ICA1L: variants seen among roughly 807,000 people sequenced by gnomAD.
The protein encoded by ICA1L is islet cell autoantigen 1 like.
A neutral mutation model predicts 61.3 loss-of-function variants in ICA1L; 50 were observed. The observed-to-expected ratio is 0.82, with a 90% CI of 0.65 to 1.03. The LOEUF is 1.03. ICA1L is among the 50% of genes least tolerant of loss of function. The pLI, the probability that ICA1L is intolerant of heterozygous loss-of-function variation, is 0.00. For missense variants in ICA1L, 508 were observed against 556.7 expected (o/e 0.91, Z 0.88); for synonymous variants, 161 against 191.3 (o/e 0.84, Z 1.31).
intron 10 of ICA1L, among the ~76,000 whole-genome samples, chr2:202,794,139 A>G (rs1692843740): frequency 6.6e-6 from 1 of 151,804 alleles, no homozygotes; most frequent in Non-Finnish European, 1.5e-5. Flanking sequence ...TTAAGAAGAA[A>G]AAGCAAATAA....
chr2:202,803,187 C>T (rs1485445659), intron 9 of ICA1L, among the ~76,000 whole-genome samples: 1 of 152,016 alleles, frequency 6.6e-6, no homozygotes, highest in Non-Finnish European at 1.5e-5. Context: ...GCAGGCAGAT[C>T]ACCTGAGGTC....
At chr2:202,858,389 C>T (rs570795952) in intron 1 of ICA1L, among the ~76,000 whole-genome samples, 7 of 152,294 alleles carry the variant, frequency 4.6e-5, no homozygotes, top group African/African-American at 7.2e-5. Flanking sequence ...CCAAACACTG[C>T]GTGTTCTCAC....
At chr2:202,796,855 A>C (rs1282777807) in intron 10 of ICA1L, 35 bp downstream of exon 10, 1 of 1,246,604 alleles carries the variant, frequency 8.0e-7, no homozygotes, top group Admixed American at 2.3e-5. Context: ...AGAATTTTAA[A>C]GAATCATTCA....
chr2:202,830,393 C>G (rs543587607), intron 1 of ICA1L, among the ~76,000 whole-genome samples: 1 of 151,870 alleles, frequency 6.6e-6, no homozygotes, highest in Non-Finnish European at 1.5e-5. Flanking sequence ...GACAACAGAG[C>G]GAGACTCCGT....
chr2:202,867,443 G>A lies in ICA1L; in HGVS notation c.-8+4176C>T, dbSNP rs149110273. Reference sequence around the variant, plus strand: ...GCATGTTACTGTACTGAATACTGTAGGCAACTGCAACACAATGATGGTAAG... The same window carrying A: ...GCATGTTACTGTACTGAATACTGTAAGCAACTGCAACACAATGATGGTAAG... On this transcript the variant is annotated intron_variant, in intron 1 of 12. Coordinates refer to ENST00000358299, the MANE Select transcript of ICA1L (RefSeq NM_001288622.3). 3.1e-3 allele frequency among the ~76,000 whole-genome samples: 468 copies of A among 152,244 alleles called. 1 individual carries two copies. Among genetic ancestry groups the A allele is most frequent in the Non-Finnish European group, 5.3e-3 (361 of 68,022 alleles).
intron 1 of ICA1L, chr2:202,860,063 G>A (rs1335697294): frequency 6.6e-6 from 1 of 151,724 alleles, no homozygotes; most frequent in Non-Finnish European, 1.5e-5. Context: ...ATCACTTGAG[G>A]TCAAGGCCAG....
In ICA1L at chr2:202,777,043, GCTT is replaced by G. The variant is rs1469342680; in HGVS notation, c.*2487_*2489del. ...TACAAACTCTCAAGACATAAAGTTA[GCTT>G]TTTTTTTTTTTTTTTTTTTTTTTTT... On this transcript the variant is annotated 3_prime_UTR_variant, in exon 13 of 13. Transcript: ENST00000358299. The G allele has an allele frequency of 1.4e-4, 14 of 103,584 alleles. No individual in the cohort carries two copies. Among genetic ancestry groups the G allele is most frequent in the African/African-American group, 5.1e-4 (12 of 23,752 alleles). The allele number at this position is 103,584 out of a possible 1,614,324, so 6.4% of individuals were successfully genotyped here. A position where few individuals can be genotyped will look rare whatever the true frequency, so the allele number is the denominator to read the frequency against.
chr2:202,868,790 A>C (rs903451266), intron 1 of ICA1L, among the ~76,000 whole-genome samples: 1 of 151,460 alleles, frequency 6.6e-6, no homozygotes, highest in Admixed American at 6.6e-5. Flanking sequence ...AATATGGTAA[A>C]ACCCCCATCT....
chr2:202,790,677 C>A (rs1692720158), intron 10 of ICA1L, among the ~76,000 whole-genome samples: 2 of 152,274 alleles, frequency 1.3e-5, no homozygotes, highest in South Asian at 4.1e-4. Flanking sequence ...CTCCCCAGAT[C>A]CCTCATGGGT....
chr2:202,794,539 G>A (rs1215489179), intron 10 of ICA1L, among the ~76,000 whole-genome samples: 1 of 152,040 alleles, frequency 6.6e-6, no homozygotes, highest in Non-Finnish European at 1.5e-5. Flanking sequence ...GAAGGTAGTA[G>A]CCAATGTAAT....
intron 1 of ICA1L, among the ~76,000 whole-genome samples, chr2:202,858,963 G>A (rs1432393017): frequency 1.3e-5 from 2 of 152,198 alleles, no homozygotes; most frequent in South Asian, 2.1e-4. Flanking sequence ...TTGCTATGTG[G>A]TGGATGGCTA....
At chr2:202,859,471 T>C (rs2105887625) in intron 1 of ICA1L, among the ~76,000 whole-genome samples, 1 of 152,364 alleles carries the variant, frequency 6.6e-6, no homozygotes, top group South Asian at 2.1e-4. Flanking sequence ...ATGCCAGCTT[T>C]GTTCTGGGTG....
At chr2:202,786,343 G>A (rs1421874538) in intron 11 of ICA1L, among the ~76,000 whole-genome samples, 4 of 151,480 alleles carry the variant, frequency 2.6e-5, no homozygotes, top group African/African-American at 9.7e-5. Flanking sequence ...TCAGGAGATC[G>A]AGACCATCCT....
intron 9 of ICA1L, among the ~76,000 whole-genome samples, chr2:202,807,510 G>C (rs546737777): frequency 2.0e-5 from 3 of 152,194 alleles, no homozygotes; most frequent in Non-Finnish European, 4.4e-5. Flanking sequence ...GCACTCTGGG[G>C]TTCCAAATAA....
chr2:202,841,880 T>C lies in ICA1L; in HGVS notation c.-7-12864A>G, dbSNP rs1433040580. 7 of 265,452 alleles carry C rather than the reference T, an allele frequency of 2.6e-5. No homozygotes were observed. In the East Asian group the frequency reaches 5.8e-4, roughly 22 times the overall value. The allele number at this position is 265,452 out of a possible 1,614,324, so 16.4% of individuals were successfully genotyped here. A position where few individuals can be genotyped will look rare whatever the true frequency, so the allele number is the denominator to read the frequency against. On this transcript the variant is annotated intron_variant, in intron 1 of 12. Transcript: ENST00000358299. ...GGTCTATTTTTTTTTTTTTTTTAGA[T>C]AGAGTTTTGTTCTTGTTGCCCAGAC...
intron 10 of ICA1L, among the ~76,000 whole-genome samples, chr2:202,791,398 T>C (rs4675293): frequency 0.27 from 41,571 of 152,128 alleles, 6,210 homozygotes; most frequent in East Asian, 0.53. Flanking sequence ...ATATAAACTC[T>C]TACAACTTAA....
chr2:202,822,134 AT>A (rs1411341458), intron 3 of ICA1L, among the ~76,000 whole-genome samples: 1 of 152,048 alleles, frequency 6.6e-6, no homozygotes, highest in Non-Finnish European at 1.5e-5. Context: ...CTTATAATAC[AT>A]TTTTCACGTA....
intron 11 of ICA1L, among the ~76,000 whole-genome samples, chr2:202,788,397 G>C (rs1021033666): frequency 9.2e-5 from 14 of 152,242 alleles, no homozygotes; most frequent in African/African-American, 3.4e-4. Flanking sequence ...CAAGGTGCAG[G>C]GTTGGACACA....
intron 1 of ICA1L, among the ~76,000 whole-genome samples, chr2:202,856,283 G>C (rs1574383652): frequency 2.0e-5 from 3 of 152,188 alleles, no homozygotes; most frequent in Admixed American, 2.0e-4. Flanking sequence ...TATCCACCAT[G>C]ATCAAGTCTG....
Sources: gnomAD v4.1 joint callset for allele counts (sites outside exome capture counted in the v4.1 genomes callset) on GRCh38, gnomAD v4.1.1 for gene constraint, MANE v1.5 for transcripts, NCBI Gene and HGNC (gene_info 2026-07-23, HGNC 2026-07-21) for gene names.